The following BRD1 variants were observed in gnomAD, a reference collection of about 807,000 sequenced individuals.
BRD1 encodes the protein bromodomain-containing protein 1.
BRD1 carries 24 observed loss-of-function variants against 107.7 expected under a neutral mutation model. That is an observed-to-expected ratio of 0.22 (90% CI 0.16 to 0.31). BRD1 has a LOEUF of 0.31. BRD1 is among the 10% of genes least tolerant of loss of function. The pLI, the probability that BRD1 is intolerant of heterozygous loss-of-function variation, is 1.00. For synonymous variants in BRD1, 744 were observed against 686.1 expected, an observed-to-expected ratio of 1.08 and a Z score of -1.32; for missense variants, 1,279 against 1,638.6, an observed-to-expected ratio of 0.78 and a Z score of 3.79.
At chr22:49,818,360 T>C (rs1219097051) in intron 2 of BRD1, 4 of 1,228,968 alleles carry the variant, frequency 3.3e-6, no homozygotes, top group East Asian at 5.9e-5. Context: ...TTTAAGACAC[T>C]TTCTACTTTG....
rs1340098658 is a variant in BRD1 at position 49,823,018 on chromosome 22, T to C, written c.1300A>G (p.Lys434Glu). 1.2e-6 allele frequency: 2 copies of C among 1,614,232 alleles called. No individual in the cohort carries two copies. Among genetic ancestry groups the C allele is most frequent in the Non-Finnish European group, 1.7e-6 (2 of 1,180,040 alleles). Residue 434 changes from lysine (K) to glutamate (E), a missense_variant, in exon 2 of 13, where the codon AAG becomes GAG. Physicochemically the swap from Lys to Glu is moderately conservative, Grantham distance 56 (BLOSUM62 1). This residue lies in a region of BRD1 where 87 missense variants were observed against 77.1 expected (regional missense o/e 1.13). Transcript: ENST00000404760. ...GCGCAGGGCTCAGCCAGAGCTTTCT[T>C]AGCCTTTTTTGCCTTCTTCCTGACC... is the stretch of plus-strand genomic sequence containing the variant. The part of the protein sequence containing the change: ...SKVRKKAKKA[K>E]KALAEPCAVL...
chr22:49,814,688 C>T (rs2059916600), intron 2 of BRD1, among the ~76,000 whole-genome samples: 2 of 152,176 alleles, frequency 1.3e-5, no homozygotes, highest in Admixed American at 6.5e-5. Context: ...AAGCTCCCCA[C>T]CAGCCCGAGC....
At chr22:49,811,239 G>C (rs1406948793) in intron 2 of BRD1, among the ~76,000 whole-genome samples, 1 of 152,206 alleles carries the variant, frequency 6.6e-6, no homozygotes, top group African/African-American at 2.4e-5. Flanking sequence ...TGCCAGGGCT[G>C]GGGGAGGATG....
At chr22:49,800,924 C>G (rs540521592) in intron 3 of BRD1, among the ~76,000 whole-genome samples, 1 of 25,010 alleles carries the variant, frequency 4.0e-5, no homozygotes, top group East Asian at 1.1e-3. Context: ...GTTAAAATCG[C>G]CTCTGCTGGG....
rs892127130 is a variant in BRD1, at chr22:49,784,927, G to A, written c.2857+2463C>T. On this transcript the variant is annotated intron_variant, in intron 8 of 12. Transcript: ENST00000404760. The stretch of plus-strand genomic sequence containing the variant: ...TCAGGAGAGAGCTCAGGAACTCACC[G>A]CACCTCCACGGAAATCCACTGTCAC... Among the ~76,000 whole-genome samples the A allele has an allele frequency of 6.6e-5, 10 of 152,298 alleles. No individual in the cohort carries two copies. In the East Asian group the frequency reaches 1.7e-3, roughly 26 times the overall value.
In BRD1 at chr22:49,774,040, G is replaced by C; in HGVS notation, c.*193C>G. On this transcript the variant is annotated 3_prime_UTR_variant, in exon 13 of 13. Transcript: ENST00000404760. Reference sequence around the variant, plus strand: ...GACAGACGCACTGGGCTGCCCGGACGTGCCCACCCCACTCACAGCGCCCAG... The same window carrying C: ...GACAGACGCACTGGGCTGCCCGGACCTGCCCACCCCACTCACAGCGCCCAG... The C allele has an allele frequency of 3.0e-6, 2 of 666,764 alleles. No homozygotes were observed. The highest frequency in any genetic ancestry group is 2.4e-6 in the Non-Finnish European group (1 of 418,936). The allele number at this position is 666,764 out of a possible 1,614,324, so 41.3% of individuals were successfully genotyped here. A position where few individuals can be genotyped will look rare whatever the true frequency, so the allele number is the denominator to read the frequency against.
Position 49,824,927 on chromosome 22 carries a change from TGTCCATCC to T in BRD1, c.-14-604_-14-597del. 1.8e-6 allele frequency: 1 copy of T among 571,088 alleles called. No homozygotes were observed. Among genetic ancestry groups the T allele is most frequent in the South Asian group, 7.1e-5 (1 of 14,034 alleles). 35.4% of individuals were successfully genotyped at this position (571,088 alleles called of 1,614,324 possible). ...CAGGGGTAGGAGACAGATCACAGCC[TGTCCATCC>T]TCTATAGACAGGCCCTCCACACGCA... On this transcript the variant is annotated intron_variant, in intron 1 of 12. Coordinates refer to ENST00000404760, the MANE Select transcript of BRD1 (RefSeq NM_001304808.3). This position sits in a 1 kb window ranked among gnomAD's most constrained non-coding sequence, Gnocchi z 5.9.
At chr22:49,800,667 T>C (rs1391782900) in intron 3 of BRD1, among the ~76,000 whole-genome samples, 3 of 152,188 alleles carry the variant, frequency 2.0e-5, no homozygotes, top group Admixed American at 6.5e-5. Flanking sequence ...AGGGGCCCCG[T>C]TGACAGCACC....
intron 7 of BRD1, among the ~76,000 whole-genome samples, chr22:49,789,490 T>TCCCCCCCCC (rs377366419): frequency 1.4e-5 from 2 of 139,680 alleles, no homozygotes; most frequent in African/African-American, 5.3e-5. Context: ...CCTCCTAGCC[T>TCCCCCCCCC]CCCCCCCCCG....
Position 49,823,406 on chromosome 22 carries a change from G to A in BRD1, c.912C>T (p.Ala304=). The change falls in exon 2 of 13, where the codon GCC becomes GCT. Residue 304 remains alanine, a synonymous_variant. Coordinates refer to ENST00000404760, the MANE Select transcript of BRD1 (RefSeq NM_001304808.3). ...CGATGGGCTCGATGAACACCGTGTTGGCAAAGCCGACCTCTGGGATCCACA... is the reference window on the plus strand; with the variant it reads ...CGATGGGCTCGATGAACACCGTGTTAGCAAAGCCGACCTCTGGGATCCACA... ...CALWIPEVGF[A]NTVFIEPIDG... is the part of the protein sequence containing the mutation. 6.2e-7 allele frequency: 1 copy of A among 1,613,108 alleles called. No individual in the cohort carries two copies.
chr22:49,805,884 G>A (rs1254284656), intron 2 of BRD1: 1 of 152,118 alleles, frequency 6.6e-6, no homozygotes, highest in African/African-American at 2.4e-5. Flanking sequence ...TGGGACTACA[G>A]GCGCCCGTTG....
chr22:49,776,667 C>A (rs2059105572), intron 10 of BRD1, among the ~76,000 whole-genome samples: 1 of 152,242 alleles, frequency 6.6e-6, no homozygotes, highest in African/African-American at 2.4e-5. Context: ...CTCCCCCTCC[C>A]CCAGGGGCCT....
chr22:49,779,425 A>G (rs1260183726), intron 8 of BRD1, among the ~76,000 whole-genome samples: 2 of 152,172 alleles, frequency 1.3e-5, no homozygotes, highest in African/African-American at 4.8e-5. Context: ...GGGCGGGTGC[A>G]CTGCTGCCCT....
chr22:49,775,049 C>A (rs60084780), intron 12 of BRD1, among the ~76,000 whole-genome samples: 1 of 152,212 alleles, frequency 6.6e-6, no homozygotes, highest in Non-Finnish European at 1.5e-5. Flanking sequence ...GTGCTGCCAG[C>A]GTGTCCTGCA....
At chr22:49,775,246 G>A (rs143365271) in intron 12 of BRD1, 444 of 172,638 alleles carry the variant, frequency 2.6e-3, no homozygotes, top group Non-Finnish European at 4.3e-3. Context: ...ATGTCCTGCA[G>A]TACAGGGGTC....
At chr22:49,784,239 C>T (rs1338700929) in intron 8 of BRD1, among the ~76,000 whole-genome samples, 3 of 150,584 alleles carry the variant, frequency 2.0e-5, no homozygotes, top group East Asian at 2.0e-4. Context: ...GACACCCCCG[C>T]GCTCTCACGC....
chr22:49,804,665 A>G (rs534676495), intron 2 of BRD1, among the ~76,000 whole-genome samples: 1 of 152,278 alleles, frequency 6.6e-6, no homozygotes, highest in African/African-American at 2.4e-5. Flanking sequence ...CCTGGCCAAC[A>G]TGGTGAAACC....
chr22:49,794,364 G>A lies in BRD1; in HGVS notation c.2099-70C>T, dbSNP rs546424370. ...CTTCTGGGAACACATCACCGGTCCC[G>A]TCTTTCAAATCACCTTCGGCCAAGG... is the stretch of plus-strand genomic sequence containing the variant. On this transcript the variant is annotated intron_variant, in intron 6 of 12. Transcript: ENST00000404760. 7 of 1,531,574 alleles carry A rather than the reference G, an allele frequency of 4.6e-6. No homozygotes were observed. The East Asian group carries it at 6.8e-5, about 15-fold the overall frequency. 94.9% of individuals were successfully genotyped at this position (1,531,574 alleles called of 1,614,324 possible).
intron 7 of BRD1, among the ~76,000 whole-genome samples, chr22:49,788,558 T>C (rs181671204): frequency 1.3e-5 from 2 of 152,336 alleles, no homozygotes; most frequent in East Asian, 3.9e-4. Context: ...TTTAACCTCT[T>C]TTTAAAGTCT....
Sources: allele counts gnomAD v4.1 joint callset (sites outside exome capture counted in the v4.1 genomes callset), GRCh38; gene constraint gnomAD v4.1.1; regional missense constraint gnomAD v4.1.1; non-coding constraint Gnocchi (gnomAD v3.1); transcripts MANE v1.5; gene names NCBI Gene and HGNC (gene_info 2026-07-23, HGNC 2026-07-21).